Variants in NBDY observed in about 807,000 individuals in gnomAD.
NBDY encodes the protein negative regulator of P-body association.
chrX:56,732,654 G>C, intron 2 of NBDY, among the ~76,000 whole-genome samples: 1 of 111,542 alleles, frequency 9.0e-6, no homozygotes, highest in Non-Finnish European at 1.9e-5. Context: ...AGTACAAAGA[G>C]GAACAACAGC....
chrX:56,792,234 C>T (rs980880728), intron 2 of NBDY, among the ~76,000 whole-genome samples: 2 of 111,119 alleles, frequency 1.8e-5, no homozygotes, highest in African/African-American at 3.3e-5. Flanking sequence ...AGTAAAATGT[C>T]GTGGTGAACG....
Position 56,814,493 on chromosome X carries a change from A to AT in NBDY, c.*167-2812dup, listed in dbSNP as rs374647825. 0.034 allele frequency among the ~76,000 whole-genome samples: 3,317 copies of AT among 97,204 alleles called. 463 individuals carry two copies. The East Asian group carries it at 0.57, about 17-fold the overall frequency. The allele number at this position is 97,204 out of a possible 115,157, so 84.4% of individuals were successfully genotyped here. A position where few individuals can be genotyped will look rare whatever the true frequency, so the allele number is the denominator to read the frequency against. On this transcript the variant is annotated intron_variant, in intron 2 of 2. Coordinates refer to ENST00000374922, the MANE Select transcript of NBDY (RefSeq NM_001348129.2). ...TTAAGTGACCCAAGTTATGAACCAC[A>AT]TTTTTTTTTTTTTTTCTGAGAGGGA...
At chrX:56,790,860 C>T (rs2069758408) in intron 2 of NBDY, among the ~76,000 whole-genome samples, 1 of 112,430 alleles carries the variant, frequency 8.9e-6, no homozygotes, top group South Asian at 3.7e-4. Flanking sequence ...TTTCTTGTCG[C>T]TTTCTGCCTC....
intron 2 of NBDY, among the ~76,000 whole-genome samples, chrX:56,763,597 T>A (rs924469455): frequency 7.1e-5 from 8 of 112,344 alleles, no homozygotes; most frequent in Non-Finnish European, 1.5e-4. Context: ...ATGATCCTAG[T>A]CCTCCTGTGG....
At chrX:56,747,137 T>C (rs763836568) in intron 2 of NBDY, among the ~76,000 whole-genome samples, 4 of 112,252 alleles carry the variant, frequency 3.6e-5, no homozygotes, top group Admixed American at 2.9e-4. Context: ...CATTCTTTTA[T>C]TCAACCAACA....
chrX:56,792,819 C>T (rs1485468477), intron 2 of NBDY, among the ~76,000 whole-genome samples: 1 of 111,405 alleles, frequency 9.0e-6, no homozygotes, highest in Non-Finnish European at 1.9e-5. Context: ...AGGGCCTTCT[C>T]CTGAGAATGA....
At chrX:56,764,634 C>G (rs1175201866) in intron 2 of NBDY, among the ~76,000 whole-genome samples, 11 of 103,007 alleles carry the variant, frequency 1.1e-4, no homozygotes, top group Non-Finnish European at 2.0e-4. Flanking sequence ...AAACAGCAGT[C>G]TTGTCTTTCC....
chrX:56,806,508 C>T (rs2069851123), intron 2 of NBDY, among the ~76,000 whole-genome samples: 1 of 112,072 alleles, frequency 8.9e-6, no homozygotes, highest in Non-Finnish European at 1.9e-5. Context: ...TAATGATCAC[C>T]ATTGTAACGG....
At position 56,766,571 on chromosome X, in the gene NBDY, G is replaced by A. The variant is rs140445813; in HGVS notation, c.*166+34372G>A. ...CAAACACACATCGCCACAGGCATGC[G>A]ACTGCCCACATTCTCTTCGACAGGG... On this transcript the variant is annotated intron_variant, in intron 2 of 2. Coordinates refer to ENST00000374922, the MANE Select transcript of NBDY (RefSeq NM_001348129.2). 5.3e-5 allele frequency among the ~76,000 whole-genome samples: 6 copies of A among 112,193 alleles called. No individual in the cohort carries two copies. In the East Asian group the frequency reaches 1.7e-3, roughly 31 times the overall value.
At chrX:56,764,702 C>CAAAAAAAAAAA (rs10623590) in intron 2 of NBDY, among the ~76,000 whole-genome samples, 33 of 60,769 alleles carry the variant, frequency 5.4e-4, no homozygotes, top group Non-Finnish European at 9.5e-4. Flanking sequence ...AAACAAACAC[C>CAAAAAAAAAAA]AAAAAAAAAA....
intron 2 of NBDY, among the ~76,000 whole-genome samples, chrX:56,815,552 TG>T (rs1459448056): frequency 1.8e-5 from 2 of 112,027 alleles, no homozygotes; most frequent in African/African-American, 6.5e-5. Context: ...ACATTTGAAA[TG>T]GTAATCCACA....
intron 2 of NBDY, among the ~76,000 whole-genome samples, chrX:56,743,282 G>C (rs1257244110): frequency 9.1e-6 from 1 of 110,343 alleles, no homozygotes; most frequent in South Asian, 3.8e-4. Context: ...ATTTGTTTCT[G>C]TCTGATTTTG....
At chrX:56,804,584 C>T (rs1342122778) in intron 2 of NBDY, among the ~76,000 whole-genome samples, 1 of 112,589 alleles carries the variant, frequency 8.9e-6, no homozygotes, top group African/African-American at 3.2e-5. Flanking sequence ...TGGGCCTCCT[C>T]TGTGTTCCTG....
At chrX:56,794,062 C>G (rs767745857) in intron 2 of NBDY, among the ~76,000 whole-genome samples, 36 of 112,411 alleles carry the variant, frequency 3.2e-4, no homozygotes, top group East Asian at 2.5e-3. Flanking sequence ...TGGGGCAGCT[C>G]CACCCTGTGG....
intron 1 of NBDY, among the ~76,000 whole-genome samples, chrX:56,730,093 A>T (rs976174062): frequency 9.4e-5 from 10 of 106,450 alleles, no homozygotes; most frequent in African/African-American, 2.0e-4. Flanking sequence ...GGAGAGTTGA[A>T]TTTTTTTTTT....
chrX:56,730,645 C>A (rs764780646), intron 1 of NBDY, among the ~76,000 whole-genome samples: 1 of 104,405 alleles, frequency 9.6e-6, no homozygotes, highest in South Asian at 4.3e-4. Context: ...AGAGAAAAGG[C>A]AGAATTCTTC....
At chrX:56,782,867 AC>A (rs1214547458) in intron 2 of NBDY, among the ~76,000 whole-genome samples, 1 of 111,121 alleles carries the variant, frequency 9.0e-6, no homozygotes, top group East Asian at 2.8e-4. Flanking sequence ...CTCACAAGGG[AC>A]CCCCCAATCA....
intron 2 of NBDY, among the ~76,000 whole-genome samples, chrX:56,737,858 C>T (rs1250751212): frequency 4.5e-5 from 5 of 111,826 alleles, no homozygotes; most frequent in Non-Finnish European, 9.4e-5. Context: ...AACATTTTAT[C>T]ACGTTTGCCT....
intron 2 of NBDY, among the ~76,000 whole-genome samples, chrX:56,800,519 C>A (rs920769375): frequency 1.8e-5 from 2 of 111,487 alleles, no homozygotes; most frequent in African/African-American, 6.5e-5. Context: ...CCAGTACAAA[C>A]CCTGGCCTAA....
Sources: gnomAD v4.1 joint callset for allele counts (sites outside exome capture counted in the v4.1 genomes callset) on GRCh38, gnomAD v4.1.1 for gene constraint, MANE v1.5 for transcripts, NCBI Gene and HGNC (gene_info 2026-07-23, HGNC 2026-07-21) for gene names.